Variants in RAB3IP observed in about 807,000 individuals in gnomAD.
RAB3IP encodes the protein RAB3A interacting protein.
RAB3IP carries 36 observed loss-of-function variants against 59.1 expected under a neutral mutation model. The ratio of observed to expected loss-of-function variants is 0.61; its 90% CI spans 0.47 to 0.80. The LOEUF is 0.80. Among genes scored for constraint, RAB3IP ranks in the 30% least tolerant of loss-of-function variants. The probability of loss-of-function intolerance (pLI) is 0.00; values close to 1 mark genes in which losing one functional copy is unlikely to be tolerated. For synonymous variants in RAB3IP, 207 were observed against 191.2 expected (o/e 1.08, Z -0.68); for missense variants, 511 against 536.0 (o/e 0.95, Z 0.46).
At chr12:69,768,155 G>A (rs1021194738) in intron 3 of RAB3IP, among the ~76,000 whole-genome samples, 5 of 150,888 alleles carry the variant, frequency 3.3e-5, no homozygotes, top group African/African-American at 4.9e-5. Flanking sequence ...TCTGCATCCA[G>A]TAAGGATGGT....
intron 1 of RAB3IP, among the ~76,000 whole-genome samples, chr12:69,753,170 A>C (rs978730614): frequency 6.6e-6 from 1 of 152,176 alleles, no homozygotes; most frequent in African/African-American, 2.4e-5. Flanking sequence ...GACACATACT[A>C]ATTTGTAATT....
At chr12:69,763,763 C>A (rs181488144) in intron 3 of RAB3IP, among the ~76,000 whole-genome samples, 2 of 152,118 alleles carry the variant, frequency 1.3e-5, no homozygotes, top group Non-Finnish European at 2.9e-5. Flanking sequence ...CCTTGTCCCC[C>A]TCCCCTGTCT....
At chr12:69,759,787 G>A (rs1173136699) in intron 3 of RAB3IP, among the ~76,000 whole-genome samples, 7 of 148,916 alleles carry the variant, frequency 4.7e-5, no homozygotes, top group Non-Finnish European at 8.9e-5. Flanking sequence ...CTGGCCGGGC[G>A]GGGGCTGACC....
intron 1 of RAB3IP, among the ~76,000 whole-genome samples, chr12:69,744,745 A>G (rs557188044): frequency 9.2e-5 from 14 of 151,670 alleles, no homozygotes; most frequent in African/African-American, 2.2e-4. Flanking sequence ...TTTGTGATCT[A>G]TTATAATAAA....
At chr12:69,740,202 G>GTCTT (rs1218023516) in intron 1 of RAB3IP, among the ~76,000 whole-genome samples, 2 of 152,122 alleles carry the variant, frequency 1.3e-5, no homozygotes, top group Admixed American at 1.3e-4. Flanking sequence ...AAATCAAGGA[G>GTCTT]AAAAGAGGCA....
At chr12:69,814,778 CCAA>C (rs1284247470) in intron 10 of RAB3IP, among the ~76,000 whole-genome samples, 6 of 152,104 alleles carry the variant, frequency 3.9e-5, no homozygotes, top group Admixed American at 6.5e-5. Flanking sequence ...AAATAAGGAG[CCAA>C]CGTTTTTCCA....
intron 3 of RAB3IP, among the ~76,000 whole-genome samples, chr12:69,771,257 G>A (rs1172845573): frequency 6.6e-6 from 1 of 152,226 alleles, no homozygotes; most frequent in East Asian, 1.9e-4. Flanking sequence ...CCAGCAGGGC[G>A]TAGTGGCTTA....
At chr12:69,772,236 C>A (rs1873244320) in intron 3 of RAB3IP, among the ~76,000 whole-genome samples, 1 of 152,092 alleles carries the variant, frequency 6.6e-6, no homozygotes, top group Non-Finnish European at 1.5e-5. Context: ...GTAGCTACTC[C>A]TGCTTTCTCT....
intron 1 of RAB3IP, among the ~76,000 whole-genome samples, chr12:69,741,387 T>C (rs1269516167): frequency 6.6e-6 from 1 of 152,246 alleles, no homozygotes; most frequent in Non-Finnish European, 1.5e-5. Flanking sequence ...CTGCCCAAAA[T>C]GGAACGTAGT....
At chr12:69,767,948 C>T (rs185326781) in intron 3 of RAB3IP, among the ~76,000 whole-genome samples, 36 of 152,078 alleles carry the variant, frequency 2.4e-4, no homozygotes, top group African/African-American at 8.4e-4. Flanking sequence ...GTTACTCATG[C>T]TCCTGAACCA....
chr12:69,788,994 C>T lies in RAB3IP; in HGVS notation c.606+4179C>T, dbSNP rs139331682. 3.2e-3 allele frequency among the ~76,000 whole-genome samples: 489 copies of T among 151,792 alleles called. 2 individuals carry two copies. The highest frequency in any genetic ancestry group is 0.014 in the Middle Eastern group (4 of 294). On this transcript the variant is annotated intron_variant, in intron 4 of 10. Transcript: ENST00000247833. ...AGGGAACTTGAAAAGTTTCTTGAGA[C>T]GAATAAAACTGAAAACACAACGTAC... is the stretch of plus-strand genomic sequence containing the variant.
intron 6 of RAB3IP, among the ~76,000 whole-genome samples, chr12:69,797,304 A>G (rs1185836594): frequency 6.6e-6 from 1 of 152,182 alleles, no homozygotes; most frequent in Admixed American, 6.5e-5. Context: ...ACAAATGGCA[A>G]TCATAATATC....
intron 8 of RAB3IP, among the ~76,000 whole-genome samples, chr12:69,806,061 C>T (rs1879215138): frequency 6.6e-6 from 1 of 152,188 alleles, no homozygotes; most frequent in Non-Finnish European, 1.5e-5. Flanking sequence ...GGAATAGTTT[C>T]AGAAGGAATG....
intron 3 of RAB3IP, among the ~76,000 whole-genome samples, chr12:69,768,356 G>A (rs575606213): frequency 3.3e-4 from 51 of 152,318 alleles, no homozygotes; most frequent in Non-Finnish European, 4.9e-4. Context: ...AGTGGAGAGA[G>A]CTCTGCTGCA....
intron 4 of RAB3IP, 178 bp downstream of exon 4, chr12:69,784,993 G>A (rs1318735868): frequency 1.6e-5 from 6 of 364,676 alleles, no homozygotes; most frequent in Non-Finnish European, 3.0e-5. Context: ...GATGTGAAAA[G>A]AAATAAAAAA....
At chr12:69,763,766 C>G (rs1040482258) in intron 3 of RAB3IP, among the ~76,000 whole-genome samples, 1 of 152,132 alleles carries the variant, frequency 6.6e-6, no homozygotes, top group African/African-American at 2.4e-5. Flanking sequence ...TGTCCCCCTC[C>G]CCTGTCTAGT....
At position 69,800,308 on chromosome 12, in the gene RAB3IP, T is replaced by G. The variant is rs1298635978; in HGVS notation, c.988T>G (p.Phe330Val). 1 of 1,588,708 alleles carries G rather than the reference T, an allele frequency of 6.3e-7. No homozygotes were observed. The highest frequency in any genetic ancestry group is 8.6e-7 in the Non-Finnish European group (1 of 1,165,698). The change falls in exon 7 of 11, where the codon TTT (phenylalanine) becomes GTT (valine). Residue 330 changes from phenylalanine (F) to valine (V), a missense_variant. By Grantham distance (50) the Phe-to-Val change is conservative. Transcript: ENST00000247833. ...AGACAAAATCTACCAGGAAGATATC[T>G]TTCCATGTTTAACATTCTCAAAAAG... ...FLDKIYQEDI[F>V]PCLTFSKSEL...
At position 69,755,665 on chromosome 12, in the gene RAB3IP, A is replaced by T. The variant is rs965990457; in HGVS notation, c.251+6A>T. 1.3e-6 allele frequency: 2 copies of T among 1,595,554 alleles called. No homozygotes were observed. Among genetic ancestry groups the T allele is most frequent in the African/African-American group, 2.7e-5 (2 of 74,402 alleles). On this transcript the variant is annotated splice_donor_region_variant and intron_variant, in intron 2 of 10. Transcript: ENST00000247833. The stretch of plus-strand genomic sequence containing the variant: ...GCGGAAATATCTAGTATCAGGTAGG[A>T]AATAAGTAAATCACTTATTTGATTT...
chr12:69,751,542 A>G (rs575300914), intron 1 of RAB3IP, among the ~76,000 whole-genome samples: 10 of 152,142 alleles, frequency 6.6e-5, no homozygotes, highest in Non-Finnish European at 1.0e-4. Flanking sequence ...TAGGATTTAA[A>G]TTCTTTGATT....
Sources: allele counts gnomAD v4.1 joint callset (sites outside exome capture counted in the v4.1 genomes callset), GRCh38; gene constraint gnomAD v4.1.1; transcripts MANE v1.5; gene names NCBI Gene and HGNC (gene_info 2026-07-23, HGNC 2026-07-21).